The following DLAT variants were observed in gnomAD, a reference collection of about 807,000 sequenced individuals.
DLAT encodes the protein dihydrolipoamide S-acetyltransferase.
DLAT carries 43 observed loss-of-function variants against 68.0 expected under a neutral mutation model. That is an observed-to-expected ratio of 0.63 (90% CI 0.50 to 0.81). The LOEUF (loss-of-function observed/expected upper bound fraction) is 0.81. DLAT is among the 40% of genes least tolerant of loss of function. The pLI is 0.00. For missense variants in DLAT, 745 were observed against 815.4 expected (o/e 0.91, Z 1.05); for synonymous variants, 265 against 288.6 (o/e 0.92, Z 0.83).
At chr11:112,060,220 G>A (rs1262983147) in intron 12 of DLAT, among the ~76,000 whole-genome samples, 155 bp downstream of exon 12, 3 of 140,514 alleles carry the variant, frequency 2.1e-5, no homozygotes, top group African/African-American at 8.2e-5. Context: ...GGAGTGCAGT[G>A]GCATGATCTC....
At position 112,025,699 on chromosome 11, in the gene DLAT, A is replaced by G. The variant is rs782579364; in HGVS notation, c.227A>G (p.Gln76Arg). Residue 76 changes from glutamine (Q) to arginine (R), a missense_variant, in exon 1 of 14, where the codon CAG (glutamine) becomes CGG (arginine). Transcript: ENST00000280346. The part of the protein sequence containing the change: ...GATPRNRLLL[Q>R]LLGSPGRRYY... The stretch of plus-strand genomic sequence containing the variant: ...ACGCCGCGGAACCGCTTACTGCTGC[A>G]GCTTTTGGGGTCGCCCGGCCGCCGC... The G allele has an allele frequency of 6.2e-6, 10 of 1,612,822 alleles. No individual in the cohort carries two copies. The highest frequency in any genetic ancestry group is 7.6e-6 in the Non-Finnish European group (9 of 1,179,974).
chr11:112,033,551 A>G (rs1398591628), intron 5 of DLAT, 21 bp downstream of exon 5: 1 of 1,612,664 alleles, frequency 6.2e-7, no homozygotes, highest in Non-Finnish European at 8.5e-7. Flanking sequence ...TTCAGCTCTT[A>G]ATGGTTGAGG....
intron 10 of DLAT, among the ~76,000 whole-genome samples, chr11:112,048,947 A>G (rs1863468045): frequency 6.9e-6 from 1 of 144,624 alleles, no homozygotes; most frequent in Admixed American, 6.9e-5. Context: ...AACGTGAGTC[A>G]TCTTTGTTCT....
chr11:112,043,496 A>G lies in DLAT; in HGVS notation c.1160A>G (p.Lys387Arg), dbSNP rs1555181166. Residue 387 changes from lysine to arginine, a missense_variant, in exon 8 of 14, where the codon AAG becomes AGG. By Grantham distance (26) the Lys-to-Arg change is conservative. Coordinates refer to ENST00000280346, the MANE Select transcript of DLAT (RefSeq NM_001931.5). ...GTGPDGRITK[K>R]DIDSFVPSKV... ...GGACCAGATGGTAGAATCACCAAGA[A>G]GGATATCGACTCTTTTGTGCCTAGT... The G allele has an allele frequency of 1.2e-6, 2 of 1,614,150 alleles. No individual in the cohort carries two copies. The highest frequency in any genetic ancestry group is 4.5e-5 in the East Asian group (2 of 44,876).
intron 5 of DLAT, among the ~76,000 whole-genome samples, chr11:112,034,877 A>C (rs1294280369): frequency 3.6e-5 from 5 of 138,822 alleles, no homozygotes; most frequent in Admixed American, 7.1e-5. Context: ...GGGTTCAAGC[A>C]ATTCTCCTGC....
In DLAT at chr11:112,063,061, G is replaced by C. The variant is rs1234642850; in HGVS notation, c.*526G>C. The C allele has an allele frequency of 6.4e-6, 1 of 155,516 alleles. No homozygotes were observed. Among genetic ancestry groups the C allele is most frequent in the African/African-American group, 2.4e-5 (1 of 41,442 alleles). 9.6% of individuals were successfully genotyped at this position (155,516 alleles called of 1,614,324 possible). On this transcript the variant is annotated 3_prime_UTR_variant, in exon 14 of 14. Transcript: ENST00000280346. ...GATCTTGGTTTATCATCGATGGGAA[G>C]GGTAGAAAACTTCAAGGAAAATAAG...
Position 112,045,946 on chromosome 11 carries a change from G to A in DLAT, c.1374G>A (p.Leu458=), listed in dbSNP as rs147264946. 21 of 1,606,358 alleles carry A rather than the reference G, an allele frequency of 1.3e-5. No individual in the cohort carries two copies. The African/African-American group carries it at 2.4e-4, about 18-fold the overall frequency. Reference sequence around the variant, plus strand: ...TCGATGTAAATATGGGAGAAGTTTTGTTGGTACGGAAAGAACTTAATAAGG... The same window carrying A: ...TCGATGTAAATATGGGAGAAGTTTTATTGGTACGGAAAGAACTTAATAAGG... ...LSIDVNMGEV[L]LVRKELNKIL... Residue 458 remains leucine, a synonymous_variant, in exon 10 of 14, where the codon TTG becomes TTA. Transcript: ENST00000280346.
chr11:112,057,304 T>G (rs1236578169), intron 11 of DLAT, among the ~76,000 whole-genome samples: 2 of 152,144 alleles, frequency 1.3e-5, no homozygotes, highest in African/African-American at 4.8e-5. Context: ...GGCCTCTGAG[T>G]GTTTCAGTGA....
Position 112,028,498 on chromosome 11 carries a change from G to A in DLAT, c.382-17G>A, listed in dbSNP as rs1260543063. 2.5e-6 allele frequency: 4 copies of A among 1,612,398 alleles called. No individual in the cohort carries two copies. Among genetic ancestry groups the A allele is most frequent in the Admixed American group, 3.3e-5 (2 of 59,884 alleles). On this transcript the variant is annotated splice_polypyrimidine_tract_variant and intron_variant, in intron 2 of 13. Transcript: ENST00000280346. ...ACCAACAGTACAAACCTGAGCTACT[G>A]CTTTTTGTGTTAAAAGGTTGAAACT... is the stretch of plus-strand genomic sequence containing the variant.
chr11:112,046,121 A>ATTGGTTATG lies in DLAT; in HGVS notation c.1398+153_1398+161dup, dbSNP rs1863301864. ...TCCTTTGAAGCACAAGATTTTAAAT[A>ATTGGTTATG]TTGGTTATGTCCACTTTTATCAATT... On this transcript the variant is annotated intron_variant, in intron 10 of 13. Coordinates refer to ENST00000280346, the MANE Select transcript of DLAT (RefSeq NM_001931.5). 3 of 605,334 alleles carry ATTGGTTATG rather than the reference A, an allele frequency of 5.0e-6. No homozygotes were observed. In the East Asian group the frequency reaches 8.7e-5, roughly 18 times the overall value. 37.5% of individuals were successfully genotyped at this position (605,334 alleles called of 1,614,324 possible). A position where few individuals can be genotyped will look rare whatever the true frequency, so the allele number is the denominator to read the frequency against.
rs1247032756 is a variant in DLAT, at chr11:112,063,193, T to C, written c.*658T>C. The C allele has an allele frequency of 1.3e-5, 2 of 152,254 alleles. No individual in the cohort carries two copies. The highest frequency in any genetic ancestry group is 4.8e-5 in the African/African-American group (2 of 41,448). 9.4% of individuals were successfully genotyped at this position (152,254 alleles called of 1,614,324 possible). On this transcript the variant is annotated 3_prime_UTR_variant, in exon 14 of 14. Coordinates refer to ENST00000280346, the MANE Select transcript of DLAT (RefSeq NM_001931.5). ...CCCCCTACTTGAGATAATCTAAATA[T>C]AAACCAGCTACTTGATGTAACTGAG...
At chr11:112,031,428 A>G (rs1862387340) in intron 4 of DLAT, among the ~76,000 whole-genome samples, 1 of 151,954 alleles carries the variant, frequency 6.6e-6, no homozygotes, top group African/African-American at 2.4e-5. Flanking sequence ...TTATTTATTT[A>G]TTTTTTGAAA....
Position 112,039,462 on chromosome 11 carries a change from C to A in DLAT, c.1129+65C>A, listed in dbSNP as rs587740186. ...ATTTAGTTGAATTTCCTCCTTAAGA[C>A]TTGCAAGTACAACTATGTATAGCCG... On this transcript the variant is annotated intron_variant, in intron 7 of 13. Coordinates refer to ENST00000280346, the MANE Select transcript of DLAT (RefSeq NM_001931.5). The A allele has an allele frequency of 1.6e-5, 24 of 1,514,488 alleles. No individual in the cohort carries two copies. In the East Asian group the frequency reaches 4.8e-4, roughly 30 times the overall value. 93.8% of individuals were successfully genotyped at this position (1,514,488 alleles called of 1,614,324 possible). A position where few individuals can be genotyped will look rare whatever the true frequency, so the allele number is the denominator to read the frequency against.
intron 7 of DLAT, among the ~76,000 whole-genome samples, chr11:112,041,795 T>C (rs1000543248): frequency 6.6e-6 from 1 of 151,452 alleles, no homozygotes; most frequent in African/African-American, 2.4e-5. Context: ...GGCAGGAGAA[T>C]GGCGTGAACC....
intron 7 of DLAT, 67 bp from the exon 8 acceptor site, chr11:112,043,399 A>G (rs1225019077): frequency 3.6e-5 from 52 of 1,443,002 alleles, no homozygotes; most frequent in Non-Finnish European, 4.9e-5. Context: ...GTTTAGGATC[A>G]CAGCGTTGAT....
At chr11:112,030,162 A>C in intron 4 of DLAT, 1 of 659,710 alleles carries the variant, frequency 1.5e-6, no homozygotes, top group South Asian at 1.4e-5. Flanking sequence ...GAAATCCTTT[A>C]TGACCCTGTG....
intron 1 of DLAT, 23 bp from the exon 2 acceptor site, chr11:112,026,175 T>A (rs556465): frequency 6.4e-7 from 1 of 1,568,178 alleles, no homozygotes. Context: ...AAAATTTTAA[T>A]GTTTCTTCTT....
chr11:112,047,643 A>G (rs1216973617), intron 10 of DLAT, among the ~76,000 whole-genome samples: 1 of 152,132 alleles, frequency 6.6e-6, no homozygotes, highest in Non-Finnish European at 1.5e-5. Context: ...TTTTTTGTAT[A>G]AGGTGTAAGG....
chr11:112,033,957 C>T (rs1487749647), intron 5 of DLAT, among the ~76,000 whole-genome samples: 3 of 152,178 alleles, frequency 2.0e-5, no homozygotes, highest in Non-Finnish European at 2.9e-5. Flanking sequence ...ACTCCTGGCT[C>T]AAGCGATCCT....
Sources: allele counts gnomAD v4.1 joint callset (sites outside exome capture counted in the v4.1 genomes callset), GRCh38; gene constraint gnomAD v4.1.1; transcripts MANE v1.5; gene names NCBI Gene and HGNC (gene_info 2026-07-23, HGNC 2026-07-21).